TEX11: variants seen among roughly 807,000 people sequenced by gnomAD.
The protein encoded by TEX11 is testis-expressed protein 11.
Under a neutral mutation model 84.4 loss-of-function variants are expected in TEX11, and 7 were observed. The observed-to-expected ratio is 0.08, with a 90% CI of 0.05 to 0.16. TEX11 has a LOEUF of 0.16. Among genes scored for constraint, TEX11 ranks in the 10% least tolerant of loss-of-function variants. The probability of loss-of-function intolerance (pLI) is 1.00; values close to 1 mark genes in which losing one functional copy is unlikely to be tolerated. For missense variants in TEX11, 551 were observed against 660.5 expected (o/e 0.83, Z 1.82); for synonymous variants, 264 against 222.8 (o/e 1.18, Z -1.64).
At chrX:70,770,584 GA>G (rs766136868) in intron 9 of TEX11, among the ~76,000 whole-genome samples, 13 of 107,396 alleles carry the variant, frequency 1.2e-4, no homozygotes, top group East Asian at 8.6e-4. Context: ...AATAATAAAA[GA>G]AAAAAAAGAC....
At chrX:70,595,499 AGAG>A (rs1191141978) in intron 24 of TEX11, among the ~76,000 whole-genome samples, 17 of 111,568 alleles carry the variant, frequency 1.5e-4, no homozygotes, top group Non-Finnish European at 3.2e-4. Flanking sequence ...GCATAAAAAA[AGAG>A]GAGAGAACAG....
At chrX:70,514,211 G>A in the TEX11 span, among the ~76,000 whole-genome samples, 7 of 109,695 alleles carry the variant, frequency 6.4e-5, no homozygotes, top group East Asian at 1.4e-3. Flanking sequence ...AGCCTAAGAA[G>A]GCGTCCTTTA....
intron 5 of TEX11, among the ~76,000 whole-genome samples, chrX:70,853,540 C>T (rs1047419767): frequency 9.0e-6 from 1 of 111,598 alleles, no homozygotes; most frequent in Non-Finnish European, 1.9e-5. Flanking sequence ...AAAATAATAG[C>T]AAAAATTAAT....
At chrX:70,855,763 A>G (rs1328447923) in intron 5 of TEX11, among the ~76,000 whole-genome samples, 1 of 110,529 alleles carries the variant, frequency 9.0e-6, no homozygotes, top group Non-Finnish European at 1.9e-5. Flanking sequence ...ACCAGAGGAA[A>G]TTTGGACACA....
rs12011266 is a variant in TEX11 at position 70,750,079 on chromosome X, A to G, written c.693-5860T>C. Reference sequence around the variant, plus strand: ...AAGAACTCAAGCAAATTTACAAGAAAAAAACAAACAACCCCATCAAAAAGT... The same window carrying G: ...AAGAACTCAAGCAAATTTACAAGAAGAAAACAAACAACCCCATCAAAAAGT... On this transcript the variant is annotated intron_variant, in intron 9 of 29. Transcript: ENST00000374333. Among the ~76,000 whole-genome samples the G allele has an allele frequency of 8.7e-3, 967 of 111,623 alleles. 8 individuals carry two copies. The highest frequency in any genetic ancestry group is 0.029 in the African/African-American group (877 of 30,671).
At chrX:70,682,067 G>A (rs58702353) in intron 14 of TEX11, among the ~76,000 whole-genome samples, 20 of 111,686 alleles carry the variant, frequency 1.8e-4, no homozygotes, top group African/African-American at 5.8e-4. Flanking sequence ...TTGGAAGGAC[G>A]AAGTGGTGAA....
At chrX:70,793,404 G>A (rs2091136773) in intron 9 of TEX11, among the ~76,000 whole-genome samples, 1 of 111,864 alleles carries the variant, frequency 8.9e-6, no homozygotes, top group Non-Finnish European at 1.9e-5. Context: ...AGGGCCTGCT[G>A]GAAGATGTTT....
chrX:70,736,139 CT>C (rs2090694229), intron 11 of TEX11, among the ~76,000 whole-genome samples: 1 of 111,368 alleles, frequency 9.0e-6, no homozygotes, highest in Non-Finnish European at 1.9e-5. Flanking sequence ...TTAATTTTAC[CT>C]AATTGTTCTT....
intron 9 of TEX11, among the ~76,000 whole-genome samples, chrX:70,792,744 T>C (rs2091132262): frequency 9.0e-6 from 1 of 110,501 alleles, no homozygotes; most frequent in Non-Finnish European, 1.9e-5. Flanking sequence ...ATCCAAATTC[T>C]ACCAGGCATG....
intron 13 of TEX11, among the ~76,000 whole-genome samples, chrX:70,699,371 T>C (rs1461947230): frequency 1.8e-5 from 2 of 111,435 alleles, no homozygotes; most frequent in Non-Finnish European, 3.8e-5. Flanking sequence ...AAACTAGTGA[T>C]TCAAACTGCT....
At chrX:70,516,358 C>A in the TEX11 span, among the ~76,000 whole-genome samples, 3 of 111,960 alleles carry the variant, frequency 2.7e-5, no homozygotes, top group Non-Finnish European at 5.6e-5. Flanking sequence ...GTTTTCCCAG[C>A]ACCATTTATT....
chrX:70,512,666 T>G, the TEX11 span, among the ~76,000 whole-genome samples: 1 of 108,787 alleles, frequency 9.2e-6, no homozygotes, highest in African/African-American at 3.4e-5. Context: ...GACTATAAGC[T>G]CATTGAGGAT....
chrX:70,783,420 A>T (rs111648215), intron 9 of TEX11, among the ~76,000 whole-genome samples: 1,958 of 111,643 alleles, frequency 0.018, 43 homozygotes, highest in African/African-American at 0.06. Context: ...AATTAAAAGA[A>T]CTAGAGAAGC....
At chrX:70,700,420 T>C (rs2090316591) in intron 13 of TEX11, among the ~76,000 whole-genome samples, 1 of 111,903 alleles carries the variant, frequency 8.9e-6, no homozygotes, top group Admixed American at 9.6e-5. Context: ...AATATTTCAA[T>C]TTTTTTCATT....
intron 28 of TEX11, among the ~76,000 whole-genome samples, chrX:70,535,471 G>A (rs1348374359): frequency 8.9e-6 from 1 of 111,880 alleles, no homozygotes; most frequent in Non-Finnish European, 1.9e-5. Flanking sequence ...ATCTGCCTGG[G>A]TGTGGTGGCT....
intron 15 of TEX11, 66 bp from the exon 16 acceptor site, chrX:70,670,580 C>T: frequency 9.1e-7 from 1 of 1,099,981 alleles, no homozygotes; most frequent in South Asian, 2.5e-5. Flanking sequence ...CAAGTCACCT[C>T]TAGAAACAAA....
chrX:70,824,359 C>A (rs191853013), intron 8 of TEX11, among the ~76,000 whole-genome samples: 1 of 112,256 alleles, frequency 8.9e-6, no homozygotes, highest in East Asian at 2.8e-4. Flanking sequence ...TGCAAATATT[C>A]AATTTTGGTT....
chrX:70,560,163 T>A (rs1248053629), intron 25 of TEX11, among the ~76,000 whole-genome samples: 1 of 110,617 alleles, frequency 9.0e-6, no homozygotes, highest in African/African-American at 3.3e-5. Flanking sequence ...TTCTTTTTTT[T>A]TTTTGAGATG....
At chrX:70,552,876 G>A (rs1436673270) in intron 27 of TEX11, among the ~76,000 whole-genome samples, 1 of 111,366 alleles carries the variant, frequency 9.0e-6, no homozygotes, top group Non-Finnish European at 1.9e-5. Flanking sequence ...AATCATTTGA[G>A]CCCAGGAGTT....
Sources: gnomAD v4.1 joint callset for allele counts (sites outside exome capture counted in the v4.1 genomes callset) on GRCh38, gnomAD v4.1.1 for gene constraint, MANE v1.5 for transcripts, NCBI Gene and HGNC (gene_info 2026-07-23, HGNC 2026-07-21) for gene names.